Variants in UBR4 observed in about 807,000 individuals in gnomAD.
The protein encoded by UBR4 is ubiquitin protein ligase E3 component n-recognin 4, also known as E3 ubiquitin-protein ligase UBR4.
UBR4 carries 124 observed loss-of-function variants against 575.6 expected under a neutral mutation model. The ratio of observed to expected loss-of-function variants is 0.22; its 90% CI spans 0.19 to 0.25. The LOEUF (loss-of-function observed/expected upper bound fraction) is 0.25, where lower values mean the gene tolerates loss of function less well. Ranked by LOEUF, UBR4 falls within the 10% of genes least tolerant of loss-of-function variation. The pLI is 1.00. For missense variants in UBR4, 4,818 were observed against 6,478.8 expected (o/e 0.74, Z 8.80); for synonymous variants, 2,455 against 2,473.7 (o/e 0.99, Z 0.22).
At chr1:19,108,671 C>G (rs895151599) in intron 81 of UBR4, among the ~76,000 whole-genome samples, 4 of 152,118 alleles carry the variant, frequency 2.6e-5, no homozygotes, top group Non-Finnish European at 5.9e-5. Context: ...GGCTGTCTCC[C>G]CAGCAGCAAA....
intron 9 of UBR4, among the ~76,000 whole-genome samples, chr1:19,192,854 C>T (rs2092203275): frequency 6.6e-6 from 1 of 152,044 alleles, no homozygotes; most frequent in African/African-American, 2.4e-5. Context: ...GTGATCCCGG[C>T]TCACTGAAAC....
intron 103 of UBR4, chr1:19,078,790 G>C (rs2146865): frequency 0.58 from 88,511 of 152,092 alleles, 26,139 homozygotes; most frequent in East Asian, 0.74. Flanking sequence ...GCGACAGGCA[G>C]GGGGAGACTG....
At chr1:19,127,941 G>A (rs1290094337) in intron 62 of UBR4, among the ~76,000 whole-genome samples, 3 of 152,146 alleles carry the variant, frequency 2.0e-5, no homozygotes, top group Non-Finnish European at 2.9e-5. Context: ...ATTAAGATAC[G>A]AACAACTAAT....
chr1:19,191,695 G>T (rs2092095827), intron 11 of UBR4, among the ~76,000 whole-genome samples: 1 of 152,060 alleles, frequency 6.6e-6, no homozygotes, highest in African/African-American at 2.4e-5. Context: ...GGGATTGAAT[G>T]AAAAAATAAA....
chr1:19,093,904 T>G lies in UBR4; in HGVS notation c.13937+45A>C. On this transcript the variant is annotated intron_variant, in intron 95 of 105. Transcript: ENST00000375254. This position sits in a 1 kb window ranked among gnomAD's most constrained non-coding sequence, Gnocchi z 4.8. Reference sequence around the variant, plus strand: ...CATCTCACAGACCTAGTTCGGCGTTTTAGTGGAGACTCTCATTTCACTATA... The same window carrying G: ...CATCTCACAGACCTAGTTCGGCGTTGTAGTGGAGACTCTCATTTCACTATA... 1 of 1,580,354 alleles carries G rather than the reference T, an allele frequency of 6.3e-7. No individual in the cohort carries two copies. Among genetic ancestry groups the G allele is most frequent in the Non-Finnish European group, 8.6e-7 (1 of 1,159,102 alleles).
intron 42 of UBR4, 65 bp from the exon 43 acceptor site, chr1:19,155,733 G>T: frequency 7.0e-7 from 1 of 1,421,494 alleles, no homozygotes; most frequent in Non-Finnish European, 9.9e-7. Context: ...AAATATCTTA[G>T]TGAATCCAAA....
chr1:19,196,766 C>T (rs1324929077), intron 8 of UBR4, among the ~76,000 whole-genome samples: 1 of 152,184 alleles, frequency 6.6e-6, no homozygotes, highest in East Asian at 1.9e-4. Context: ...GCCTTTAATA[C>T]TGTTTTATAT....
At chr1:19,077,075 T>G (rs568783321) in intron 104 of UBR4, among the ~76,000 whole-genome samples, 173 bp from the exon 105 acceptor site, 1 of 152,228 alleles carries the variant, frequency 6.6e-6, no homozygotes, top group African/African-American at 2.4e-5. Context: ...CGACACAATT[T>G]CACTTCATTC....
At position 19,161,883 on chromosome 1, in the gene UBR4, A is replaced by C; in HGVS notation, c.4971T>G (p.Leu1657=). The C allele has an allele frequency of 6.2e-7, 1 of 1,614,212 alleles. No individual in the cohort carries two copies. Among genetic ancestry groups the C allele is most frequent in the Non-Finnish European group, 8.5e-7 (1 of 1,180,032 alleles). Residue 1657 remains leucine (L), a synonymous_variant, in exon 36 of 106, where the codon CTT becomes CTG. Coordinates refer to ENST00000375254, the MANE Select transcript of UBR4 (RefSeq NM_020765.3). ...SQAEDSDEDS[L]CNKLCTFTIT... The stretch of plus-strand genomic sequence containing the variant: ...TCGTAAAAGTGCAGAGTTTATTGCA[A>C]AGAGAATCTTCATCCTTCAAAAATA...
rs191411352 is a variant in UBR4 at position 19,126,381 on chromosome 1, G to A, written c.9438+65C>T. On this transcript the variant is annotated intron_variant, in intron 64 of 105. Coordinates refer to ENST00000375254, the MANE Select transcript of UBR4 (RefSeq NM_020765.3). Reference sequence around the variant, plus strand: ...CTCAGCCCCTTGAGCTCTCTGCACCGCGAGGAAAGAGAAGAGTGCTCTGAA... The same window carrying A: ...CTCAGCCCCTTGAGCTCTCTGCACCACGAGGAAAGAGAAGAGTGCTCTGAA... 5.1e-4 allele frequency: 813 copies of A among 1,594,288 alleles called. 5 individuals are homozygous for A. In the African/African-American group the frequency reaches 8.9e-3, roughly 17 times the overall value.
rs1475319198 is a variant in UBR4, at chr1:19,185,128, T to C, written c.1909A>G (p.Ile637Val). Residue 637 changes from isoleucine to valine, a missense_variant, in exon 15 of 106, where the codon ATT becomes GTT. Physicochemically the swap from Ile to Val is conservative, Grantham distance 29 (BLOSUM62 3). Transcript: ENST00000375254. ...TCAGGATCTTTGCGACTCGCCAGAATGTTGCCCTTCTCACCAGGGGCCTGC... is the reference window on the plus strand; with the variant it reads ...TCAGGATCTTTGCGACTCGCCAGAACGTTGCCCTTCTCACCAGGGGCCTGC... ...SKQAPGEKGN[I>V]LASRKDPELF... is the part of the protein sequence containing the mutation. 1 of 1,614,078 alleles carries C rather than the reference T, an allele frequency of 6.2e-7. No individual in the cohort carries two copies. The highest frequency in any genetic ancestry group is 8.5e-7 in the Non-Finnish European group (1 of 1,180,036).
chr1:19,087,486 C>T (rs1043004242), intron 99 of UBR4, among the ~76,000 whole-genome samples: 1 of 152,248 alleles, frequency 6.6e-6, no homozygotes, highest in African/African-American at 2.4e-5. Context: ...GCCATGTGAC[C>T]TTTGTTTGCT....
At chr1:19,114,460 G>T (rs1314663744) in intron 75 of UBR4, among the ~76,000 whole-genome samples, 1 of 152,078 alleles carries the variant, frequency 6.6e-6, no homozygotes, top group East Asian at 1.9e-4. Context: ...TATTATGCAG[G>T]CTGGGAACTA....
chr1:19,097,823 C>T (rs1412096753), intron 90 of UBR4, among the ~76,000 whole-genome samples: 2 of 152,178 alleles, frequency 1.3e-5, no homozygotes, highest in African/African-American at 2.4e-5. Flanking sequence ...TCAATCTTTA[C>T]CTACAGAGAT....
intron 15 of UBR4, among the ~76,000 whole-genome samples, chr1:19,184,498 T>C (rs1310193905): frequency 6.6e-6 from 1 of 152,176 alleles, no homozygotes; most frequent in Middle Eastern, 3.2e-3. Context: ...TCCAATTCAC[T>C]ACTGATATAT....
chr1:19,165,352 G>A lies in UBR4; in HGVS notation c.4212-3C>T, dbSNP rs756302482. Reference sequence around the variant, plus strand: ...TCATGATCTGTACAAGTTCTCCACTGGGAGGCAAGATGGGAGAAAAATGGA... The same window carrying A: ...TCATGATCTGTACAAGTTCTCCACTAGGAGGCAAGATGGGAGAAAAATGGA... On this transcript the variant is annotated splice_polypyrimidine_tract_variant and splice_region_variant and intron_variant, in intron 30 of 105. Coordinates refer to ENST00000375254, the MANE Select transcript of UBR4 (RefSeq NM_020765.3). 2.1e-5 allele frequency: 33 copies of A among 1,609,362 alleles called. No individual in the cohort carries two copies. Among genetic ancestry groups the A allele is most frequent in the Non-Finnish European group, 2.7e-5 (32 of 1,177,348 alleles).
chr1:19,189,824 A>C (rs2091899216), intron 11 of UBR4, among the ~76,000 whole-genome samples: 1 of 152,146 alleles, frequency 6.6e-6, no homozygotes, highest in Non-Finnish European at 1.5e-5. Flanking sequence ...ATAAAATCAC[A>C]AACTACCGTT....
chr1:19,146,349 A>G (rs2084867955), intron 52 of UBR4, among the ~76,000 whole-genome samples: 1 of 152,216 alleles, frequency 6.6e-6, no homozygotes. Flanking sequence ...AAAGGCAGCA[A>G]TCAACTCAAT....
In UBR4 at chr1:19,165,747, C is replaced by T; in HGVS notation, c.4120G>A (p.Glu1374Lys). Reference sequence around the variant, plus strand: ...TGGAGACATTCCTCCAGGATGGATTCATCCAGTCCACTGAGGATCAAACGG... The same window carrying T: ...TGGAGACATTCCTCCAGGATGGATTTATCCAGTCCACTGAGGATCAAACGG... Reference protein sequence around the residue: ...NHADPNSGLDESILEECLQYL... With the variant: ...NHADPNSGLDKSILEECLQYL... The change falls in exon 30 of 106, where the codon GAA becomes AAA. Residue 1374 changes from glutamate to lysine, a missense_variant. This residue lies in a region of UBR4 where 1,172 missense variants were observed against 1,259.7 expected (regional missense o/e 0.93). Coordinates refer to ENST00000375254, the MANE Select transcript of UBR4 (RefSeq NM_020765.3). 4 of 1,613,824 alleles carry T rather than the reference C, an allele frequency of 2.5e-6. No individual in the cohort carries two copies. The highest frequency in any genetic ancestry group is 2.2e-5 in the East Asian group (1 of 44,876).
Sources: gnomAD v4.1 joint callset for allele counts (sites outside exome capture counted in the v4.1 genomes callset) on GRCh38, gnomAD v4.1.1 for gene constraint, gnomAD v4.1.1 regional missense constraint, Gnocchi (gnomAD v3.1) non-coding constraint, MANE v1.5 for transcripts, NCBI Gene and HGNC (gene_info 2026-07-23, HGNC 2026-07-21) for gene names.